SPPL3: variants seen among roughly 807,000 people sequenced by gnomAD.
SPPL3 encodes the protein signal peptide peptidase-like 3.
Under a neutral mutation model 42.4 loss-of-function variants are expected in SPPL3, and 5 were observed. The ratio of observed to expected loss-of-function variants is 0.12; its 90% CI spans 0.06 to 0.25. The LOEUF is 0.25. Ranked by LOEUF, SPPL3 falls within the 10% of genes least tolerant of loss-of-function variation. The probability of loss-of-function intolerance (pLI) is 1.00; values close to 1 mark genes in which losing one functional copy is unlikely to be tolerated. For missense variants in SPPL3, 235 were observed against 489.0 expected (o/e 0.48, Z 4.90); for synonymous variants, 195 against 181.8 (o/e 1.07, Z -0.58).
chr12:120,829,746 G>A (rs1871338706), intron 1 of SPPL3, among the ~76,000 whole-genome samples: 1 of 152,086 alleles, frequency 6.6e-6, no homozygotes, highest in African/African-American at 2.4e-5. Context: ...TGCAATCCCA[G>A]TACTTTGGGA....
At chr12:120,858,240 G>A (rs968167467) in intron 1 of SPPL3, among the ~76,000 whole-genome samples, 1 of 152,138 alleles carries the variant, frequency 6.6e-6, no homozygotes, top group African/African-American at 2.4e-5. Context: ...TACTTTGGGA[G>A]GCCGAGGTGG....
intron 3 of SPPL3, among the ~76,000 whole-genome samples, chr12:120,786,207 T>C (rs1869716321): frequency 6.6e-6 from 1 of 152,226 alleles, no homozygotes; most frequent in South Asian, 2.1e-4. Context: ...GAAATTATCT[T>C]GGAAGCAGTC....
chr12:120,880,547 G>C (rs1386923608), intron 1 of SPPL3, among the ~76,000 whole-genome samples: 1 of 152,040 alleles, frequency 6.6e-6, no homozygotes, highest in Non-Finnish European at 1.5e-5. Context: ...CCAGCACTTT[G>C]GGAGGCTGAA....
At chr12:120,899,477 T>TATG (rs1250098342) in intron 1 of SPPL3, among the ~76,000 whole-genome samples, 2 of 152,206 alleles carry the variant, frequency 1.3e-5, no homozygotes, top group African/African-American at 4.8e-5. Context: ...TGCTAGGCAC[T>TATG]ATGGGAGAAC....
chr12:120,902,991 C>T (rs148212637), intron 1 of SPPL3, among the ~76,000 whole-genome samples: 138 of 152,290 alleles, frequency 9.1e-4, no homozygotes, highest in African/African-American at 3.3e-3. Flanking sequence ...TAGGTTGTCA[C>T]CCCATAAACT....
chr12:120,805,917 T>C (rs775207157), intron 2 of SPPL3, among the ~76,000 whole-genome samples: 1 of 151,416 alleles, frequency 6.6e-6, no homozygotes, highest in African/African-American at 2.4e-5. Context: ...TCCACATCCA[T>C]GGATTGGAAG....
At chr12:120,875,636 AAAG>A (rs1006041863) in intron 1 of SPPL3, among the ~76,000 whole-genome samples, 17 of 152,206 alleles carry the variant, frequency 1.1e-4, no homozygotes, top group Admixed American at 3.3e-4. Context: ...AAAAAAAAAA[AAAG>A]AGATAAAATG....
chr12:120,867,139 T>A (rs191373278), intron 1 of SPPL3, among the ~76,000 whole-genome samples: 179 of 152,164 alleles, frequency 1.2e-3, no homozygotes, highest in Admixed American at 0.011. Context: ...TATAAAATAA[T>A]CCTTGTAGCA....
chr12:120,816,909 G>C (rs1870898930), intron 1 of SPPL3, among the ~76,000 whole-genome samples: 1 of 152,012 alleles, frequency 6.6e-6, no homozygotes, highest in Non-Finnish European at 1.5e-5. Flanking sequence ...ATCCTCCCTG[G>C]GCAATCCTTT....
At chr12:120,844,868 TA>T (rs775732238) in intron 1 of SPPL3, among the ~76,000 whole-genome samples, 339 of 140,650 alleles carry the variant, frequency 2.4e-3, no homozygotes, top group Non-Finnish European at 2.4e-3. Context: ...TTTTTACAAT[TA>T]AAAAAAAAAA....
chr12:120,778,517 C>T (rs1869415217), intron 6 of SPPL3, among the ~76,000 whole-genome samples: 1 of 152,026 alleles, frequency 6.6e-6, no homozygotes, highest in Non-Finnish European at 1.5e-5. Context: ...AGAGAATGGT[C>T]ACATCACCCC....
At chr12:120,818,514 C>G (rs890511741) in intron 1 of SPPL3, among the ~76,000 whole-genome samples, 3 of 152,208 alleles carry the variant, frequency 2.0e-5, no homozygotes, top group Admixed American at 2.0e-4. Flanking sequence ...TTTCTAGCTA[C>G]TTTACCAGCA....
intron 6 of SPPL3, among the ~76,000 whole-genome samples, chr12:120,780,987 G>GT (rs930576145): frequency 3.1e-4 from 47 of 152,198 alleles, no homozygotes; most frequent in Non-Finnish European, 2.1e-4. Context: ...TGCTTTGGTG[G>GT]TAAGTATGAA....
In SPPL3 at chr12:120,802,431, A is replaced by ATTTTT. The variant is rs1166451844; in HGVS notation, c.101+8373_101+8377dup. 4.4e-3 allele frequency among the ~76,000 whole-genome samples: 458 copies of ATTTTT among 105,038 alleles called. 5 individuals carry two copies. Among genetic ancestry groups the ATTTTT allele is most frequent in the African/African-American group, 0.017 (366 of 21,814 alleles). The allele number at this position is 105,038 out of a possible 152,430, so 68.9% of individuals were successfully genotyped here. ...TGTGTGTGTGTATATATATATATAT[A>ATTTTT]TTTTTTTTTTTTTTCCTTTTTGAGA... On this transcript the variant is annotated intron_variant, in intron 2 of 10. Transcript: ENST00000353487.
intron 1 of SPPL3, among the ~76,000 whole-genome samples, chr12:120,861,201 C>T (rs1470640310): frequency 1.3e-5 from 2 of 152,122 alleles, no homozygotes; most frequent in Admixed American, 6.5e-5. Flanking sequence ...CTCAAATCAA[C>T]TCTGCCATTC....
chr12:120,872,993 T>C (rs1458557858), intron 1 of SPPL3, among the ~76,000 whole-genome samples: 1 of 152,116 alleles, frequency 6.6e-6, no homozygotes, highest in South Asian at 2.1e-4. Flanking sequence ...AAAAGACCCA[T>C]ATCCAGATGA....
chr12:120,877,008 T>C (rs1016448411), intron 1 of SPPL3, among the ~76,000 whole-genome samples: 4 of 151,226 alleles, frequency 2.6e-5, no homozygotes, highest in African/African-American at 9.7e-5. Flanking sequence ...TTACTAACAC[T>C]AGGAATGAAA....
intron 6 of SPPL3, among the ~76,000 whole-genome samples, chr12:120,777,891 G>C (rs1869384947): frequency 6.6e-6 from 1 of 152,064 alleles, no homozygotes; most frequent in Admixed American, 6.6e-5. Flanking sequence ...TACACAGACG[G>C]GCACGGGTGA....
intron 1 of SPPL3, among the ~76,000 whole-genome samples, chr12:120,859,661 A>G (rs1872569892): frequency 6.6e-6 from 1 of 152,162 alleles, no homozygotes; most frequent in African/African-American, 2.4e-5. Context: ...ACAGACTCAA[A>G]AAGTCTAGCT....
Sources: allele counts gnomAD v4.1 joint callset (sites outside exome capture counted in the v4.1 genomes callset), GRCh38; gene constraint gnomAD v4.1.1; transcripts MANE v1.5; gene names NCBI Gene and HGNC (gene_info 2026-07-23, HGNC 2026-07-21).